The following HNF1B variants were observed in gnomAD, a reference collection of about 807,000 sequenced individuals.
The protein encoded by HNF1B is HNF1 homeobox B, also known as hepatocyte nuclear factor 1-beta.
In HNF1B, 8 loss-of-function variants were observed where a neutral mutation model predicts 61.7. The observed-to-expected ratio is 0.13, with a 90% confidence interval of 0.08 to 0.23. The LOEUF is 0.23. Ranked by LOEUF, HNF1B falls within the 10% of genes least tolerant of loss-of-function variation. The pLI, the probability that HNF1B is intolerant of heterozygous loss-of-function variation, is 1.00. For synonymous variants in HNF1B, 314 were observed against 287.7 expected (o/e 1.09, Z -0.93); for missense variants, 562 against 714.5 (o/e 0.79, Z 2.43).
At chr17:37,738,682 C>G (rs2033904198) in intron 2 of HNF1B, among the ~76,000 whole-genome samples, 1 of 152,148 alleles carries the variant, frequency 6.6e-6, no homozygotes, top group African/African-American at 2.4e-5. Flanking sequence ...AGACGTACTT[C>G]AAAACAAAAA....
chr17:37,715,534 C>A (rs2033078825), intron 4 of HNF1B, among the ~76,000 whole-genome samples: 1 of 152,160 alleles, frequency 6.6e-6, no homozygotes, highest in African/African-American at 2.4e-5. Context: ...TGAATGGAAC[C>A]ACATAGGAGA....
chr17:37,743,186 C>A (rs939787643), intron 1 of HNF1B, among the ~76,000 whole-genome samples: 2 of 152,154 alleles, frequency 1.3e-5, no homozygotes, highest in Non-Finnish European at 2.9e-5. Context: ...CTGTGGCCCC[C>A]GGTGGCCGGC....
At position 37,742,289 on chromosome 17, in the gene HNF1B, C is replaced by T. The variant is rs940763106; in HGVS notation, c.344+2252G>A. Reference sequence around the variant, plus strand: ...GCCCCCGGCGCACCTGCCTCGAGGCCGCGAGAAAGGCCAGCTCCGGCCGGG... The same window carrying T: ...GCCCCCGGCGCACCTGCCTCGAGGCTGCGAGAAAGGCCAGCTCCGGCCGGG... On this transcript the variant is annotated intron_variant, in intron 1 of 8. Coordinates refer to ENST00000617811, the MANE Select transcript of HNF1B (RefSeq NM_000458.4). Among the ~76,000 whole-genome samples the T allele has an allele frequency of 9.2e-5, 14 of 152,354 alleles. 1 individual carries two copies. Among genetic ancestry groups the T allele is most frequent in the African/African-American group, 3.4e-4 (14 of 41,584 alleles).
intron 8 of HNF1B, among the ~76,000 whole-genome samples, chr17:37,695,066 AT>A (rs2032339310): frequency 6.6e-6 from 1 of 152,224 alleles, no homozygotes; most frequent in Admixed American, 6.5e-5. Context: ...GCACTGAAGT[AT>A]TTCAGACATC....
chr17:37,724,300 G>T (rs947090519), intron 4 of HNF1B, among the ~76,000 whole-genome samples: 7 of 117,140 alleles, frequency 6.0e-5, no homozygotes, highest in Non-Finnish European at 1.3e-4. Context: ...CTTAGAACTG[G>T]TTCTCAAATT....
At position 37,699,130 on chromosome 17, in the gene HNF1B, C is replaced by A; in HGVS notation, c.1599G>T (p.Val533=). ...TACTGATGCTGCTGGTATCTGTGAC[C>A]ACCATTGCAGATGGAAACCGGGAGG... The part of the protein sequence containing the change: ...SHTSRFPSAM[V]VTDTSSISTL... The change falls in exon 8 of 9, where the codon GTG becomes GTT. Residue 533 remains valine (V), a synonymous_variant. Transcript: ENST00000617811. The A allele has an allele frequency of 6.2e-7, 1 of 1,614,048 alleles. No homozygotes were observed. Among genetic ancestry groups the A allele is most frequent in the South Asian group, 1.1e-5 (1 of 91,078 alleles).
At chr17:37,721,067 C>G (rs1355064114) in intron 4 of HNF1B, 1 of 488,644 alleles carries the variant, frequency 2.0e-6, no homozygotes, top group Non-Finnish European at 2.7e-6. Flanking sequence ...ACTGCCAACC[C>G]AGTCCAATGG....
At chr17:37,738,968 C>T (rs1025429525) in intron 2 of HNF1B, among the ~76,000 whole-genome samples, 3 of 152,190 alleles carry the variant, frequency 2.0e-5, no homozygotes, top group African/African-American at 7.2e-5. Flanking sequence ...GAATATATCT[C>T]TCTATACAAA....
In HNF1B at chr17:37,687,099, G is replaced by C; in HGVS notation, c.*273C>G. On this transcript the variant is annotated 3_prime_UTR_variant, in exon 9 of 9. Coordinates refer to ENST00000617811, the MANE Select transcript of HNF1B (RefSeq NM_000458.4). ...ACGGCTTTCTTGCTTCCTCTTCGGA[G>C]GTTCCTTGTCTCCCACCTCCAGGAC... 1.6e-6 allele frequency: 1 copy of C among 617,814 alleles called. No homozygotes were observed. The highest frequency in any genetic ancestry group is 2.9e-6 in the Non-Finnish European group (1 of 346,348). The allele number at this position is 617,814 out of a possible 1,614,324, so 38.3% of individuals were successfully genotyped here. A position where few individuals can be genotyped will look rare whatever the true frequency, so the allele number is the denominator to read the frequency against.
chr17:37,744,329 GGCCTGGGGAGAAGAA>G (rs2034097940), intron 1 of HNF1B, among the ~76,000 whole-genome samples, 197 bp downstream of exon 1: 1 of 152,364 alleles, frequency 6.6e-6, no homozygotes, highest in South Asian at 2.1e-4. Context: ...CGCTGGCCTG[GGCCTGGGGAGAAGAA>G]GCCCGGTGGG....
chr17:37,729,525 A>G (rs971669934), intron 4 of HNF1B: 1 of 151,872 alleles, frequency 6.6e-6, no homozygotes, highest in Non-Finnish European at 1.5e-5. Context: ...CAGTAATAGG[A>G]TCTATTACAC....
intron 4 of HNF1B, among the ~76,000 whole-genome samples, chr17:37,724,911 T>C (rs2033443189): frequency 8.9e-6 from 1 of 112,840 alleles, no homozygotes; most frequent in South Asian, 2.6e-4. Flanking sequence ...TGCGTGTGTG[T>C]GTGTGTGTGT....
At chr17:37,704,669 T>C (rs961460908) in intron 6 of HNF1B, among the ~76,000 whole-genome samples, 1 of 152,240 alleles carries the variant, frequency 6.6e-6, no homozygotes, top group South Asian at 2.1e-4. Context: ...TTCAATGATT[T>C]GACCCAGGAT....
At position 37,710,646 on chromosome 17, in the gene HNF1B, G is replaced by C; in HGVS notation, c.1063C>G (p.Gln355Glu). The change falls in exon 5 of 9, where the codon CAG becomes GAG. Residue 355 changes from glutamine to glutamate, a missense_variant. Around this residue, in one of 6 missense-constraint regions of HNF1B, gnomAD observed 211 missense variants for 200.7 expected, o/e 1.05. Transcript: ENST00000617811. ...GAGGAAGTGATCTCATTGTTTCCCT[G>C]CTGGCTGTAGCGCACTCCTGCAAAA... ...NKLSGVRYSQ[Q>E]GNNEITSSST... The C allele has an allele frequency of 6.2e-7, 1 of 1,613,864 alleles. No homozygotes were observed. The highest frequency in any genetic ancestry group is 8.5e-7 in the Non-Finnish European group (1 of 1,179,932).
intron 5 of HNF1B, among the ~76,000 whole-genome samples, chr17:37,705,686 T>TCA (rs2032722928): frequency 1.3e-5 from 2 of 152,220 alleles, no homozygotes; most frequent in Non-Finnish European, 2.9e-5. Context: ...TTGATTTTTT[T>TCA]CCAAGTATGT....
chr17:37,706,676 T>A (rs1479958847), intron 5 of HNF1B, among the ~76,000 whole-genome samples: 11 of 131,142 alleles, frequency 8.4e-5, no homozygotes, highest in Non-Finnish European at 8.0e-5. Flanking sequence ...TACCAGTCAT[T>A]AAAAAAAAAA....
In HNF1B at chr17:37,687,214, G is replaced by A. The variant is rs925872515; in HGVS notation, c.*158C>T. On this transcript the variant is annotated 3_prime_UTR_variant, in exon 9 of 9. Transcript: ENST00000617811. ...CTTCGGGCTGCGCCTCCTGAGAGTG[G>A]ATTGTCTGAGGTGCCAGCAGGACGT... is the stretch of plus-strand genomic sequence containing the variant. 3.4e-6 allele frequency: 4 copies of A among 1,191,386 alleles called. No homozygotes were observed. The African/African-American group carries it at 6.1e-5, about 18-fold the overall frequency. 73.8% of individuals were successfully genotyped at this position (1,191,386 alleles called of 1,614,324 possible). A position where few individuals can be genotyped will look rare whatever the true frequency, so the allele number is the denominator to read the frequency against.
At chr17:37,705,107 TTCCAAC>T in intron 5 of HNF1B, 58 bp from the exon 6 acceptor site, 2 of 1,545,518 alleles carry the variant, frequency 1.3e-6, no homozygotes. Flanking sequence ...AAAGAGCAGT[TTCCAAC>T]ACGATGTGAC....
intron 8 of HNF1B, among the ~76,000 whole-genome samples, chr17:37,697,243 C>A (rs1007727921): frequency 1.3e-5 from 2 of 152,194 alleles, no homozygotes; most frequent in African/African-American, 4.8e-5. Flanking sequence ...TAACGTGCCA[C>A]GTGAGTATTT....
Sources: gnomAD v4.1 joint callset for allele counts (sites outside exome capture counted in the v4.1 genomes callset) on GRCh38, gnomAD v4.1.1 for gene constraint, gnomAD v4.1.1 regional missense constraint, MANE v1.5 for transcripts, NCBI Gene and HGNC (gene_info 2026-07-23, HGNC 2026-07-21) for gene names.